STXBP4: variants seen among roughly 807,000 people sequenced by gnomAD.
The protein encoded by STXBP4 is syntaxin-binding protein 4.
A neutral mutation model predicts 76.1 loss-of-function variants in STXBP4; 55 were observed. The ratio of observed to expected loss-of-function variants is 0.72; its 90% CI spans 0.58 to 0.91. STXBP4 has a LOEUF of 0.91. Among genes scored for constraint, STXBP4 ranks in the 40% least tolerant of loss-of-function variants. STXBP4 has a pLI of 0.00. For missense variants in STXBP4, 618 were observed against 636.9 expected (o/e 0.97, Z 0.32); for synonymous variants, 201 against 220.2 (o/e 0.91, Z 0.77).
At chr17:55,059,529 T>G (rs2078970418) in intron 12 of STXBP4, among the ~76,000 whole-genome samples, 1 of 152,098 alleles carries the variant, frequency 6.6e-6, no homozygotes, top group African/African-American at 2.4e-5. Context: ...AAATTAAAAA[T>G]TTGGTTCCTC....
intron 11 of STXBP4, chr17:55,043,984 G>A: frequency 4.6e-6 from 1 of 219,338 alleles, no homozygotes; most frequent in Non-Finnish European, 8.9e-6. Flanking sequence ...AAGTAACTGG[G>A]ACAACATGTC....
the STXBP4 span, among the ~76,000 whole-genome samples, chr17:55,180,437 G>C: frequency 6.0e-3 from 916 of 152,210 alleles, 8 homozygotes; most frequent in African/African-American, 0.021. Context: ...GTTTGAGGTT[G>C]GGTGAGATTT....
At chr17:54,969,479 C>T (rs906952796) in intron 1 of STXBP4, among the ~76,000 whole-genome samples, 1 of 152,210 alleles carries the variant, frequency 6.6e-6, no homozygotes, top group Non-Finnish European at 1.5e-5. Flanking sequence ...TTACCCGGGT[C>T]CTCACCATGG....
At chr17:55,212,704 C>T in the STXBP4 span, among the ~76,000 whole-genome samples, 1 of 152,102 alleles carries the variant, frequency 6.6e-6, no homozygotes, top group Non-Finnish European at 1.5e-5. Context: ...CATAGGTGTC[C>T]ATGCTTTATT....
intron 8 of STXBP4, among the ~76,000 whole-genome samples, chr17:55,008,827 G>C (rs532377440): frequency 4.2e-4 from 64 of 152,240 alleles, no homozygotes; most frequent in Non-Finnish European, 7.2e-4. Flanking sequence ...GCCCACCTCA[G>C]GGGAGAAAAG....
chr17:55,052,103 C>T (rs188418067), intron 12 of STXBP4, among the ~76,000 whole-genome samples: 10 of 152,242 alleles, frequency 6.6e-5, no homozygotes, highest in Admixed American at 6.5e-4. Context: ...GAAACAGACA[C>T]CCTAATAACA....
At chr17:55,082,968 A>ATT (rs57240226) in intron 16 of STXBP4, among the ~76,000 whole-genome samples, 3 of 148,424 alleles carry the variant, frequency 2.0e-5, no homozygotes, top group African/African-American at 7.4e-5. Flanking sequence ...GCAAGAAAGC[A>ATT]TTTTTTTTTT....
chr17:55,157,511 T>C (rs2080292637), intron 17 of STXBP4, among the ~76,000 whole-genome samples: 1 of 152,236 alleles, frequency 6.6e-6, no homozygotes, highest in South Asian at 2.1e-4. Context: ...GAGATATTAG[T>C]AATGTGGATT....
intron 17 of STXBP4, among the ~76,000 whole-genome samples, chr17:55,151,908 A>T (rs998118441): frequency 6.6e-6 from 1 of 152,236 alleles, no homozygotes; most frequent in African/African-American, 2.4e-5. Context: ...CAACTGTTAC[A>T]TACAACCAAA....
chr17:55,040,560 G>A (rs993137965), intron 10 of STXBP4, among the ~76,000 whole-genome samples: 3 of 152,170 alleles, frequency 2.0e-5, no homozygotes, highest in Admixed American at 6.6e-5. Flanking sequence ...ATCCAGAATT[G>A]ATACAAGTCA....
chr17:55,020,248 C>T (rs1290806209), intron 8 of STXBP4, among the ~76,000 whole-genome samples: 1 of 152,194 alleles, frequency 6.6e-6, no homozygotes, highest in Non-Finnish European at 1.5e-5. Flanking sequence ...CTTTCTTCTA[C>T]ACATTATTTC....
intron 16 of STXBP4, among the ~76,000 whole-genome samples, chr17:55,119,698 A>G (rs901486644): frequency 7.2e-5 from 11 of 152,054 alleles, no homozygotes; most frequent in Non-Finnish European, 1.3e-4. Flanking sequence ...ATCCATAAGC[A>G]TATGACACTG....
the STXBP4 span, among the ~76,000 whole-genome samples, chr17:55,193,695 G>T: frequency 1.3e-5 from 2 of 151,282 alleles, no homozygotes; most frequent in Non-Finnish European, 2.9e-5. Context: ...TAAACTAAGG[G>T]GCTTCTAAAT....
intron 17 of STXBP4, among the ~76,000 whole-genome samples, chr17:55,159,073 T>C (rs1346796688): frequency 1.3e-5 from 2 of 152,062 alleles, no homozygotes; most frequent in African/African-American, 4.8e-5. Flanking sequence ...GGTGAAACCC[T>C]ATCTCTACTA....
intron 11 of STXBP4, 53 bp from the exon 12 acceptor site, chr17:55,047,036 C>T (rs979817911): frequency 2.7e-6 from 3 of 1,093,782 alleles, no homozygotes; most frequent in East Asian, 2.4e-5. Context: ...TAAGAAGTCA[C>T]ACTTGTTAAT....
At position 55,072,800 on chromosome 17, in the gene STXBP4, T is replaced by A. The variant is rs1489628176; in HGVS notation, c.1012-100T>A. 4.1e-6 allele frequency: 4 copies of A among 977,278 alleles called. No individual in the cohort carries two copies. In the African/African-American group the frequency reaches 5.0e-5, roughly 12 times the overall value. The allele number at this position is 977,278 out of a possible 1,614,324, so 60.5% of individuals were successfully genotyped here. A position where few individuals can be genotyped will look rare whatever the true frequency, so the allele number is the denominator to read the frequency against. ...AATAAATAATATATGTATATTGACTTTTTGGAATTATAACTTCCAGAGCAA... is the reference window on the plus strand; with the variant it reads ...AATAAATAATATATGTATATTGACTATTTGGAATTATAACTTCCAGAGCAA... On this transcript the variant is annotated intron_variant, in intron 12 of 17. Coordinates refer to ENST00000376352, the MANE Select transcript of STXBP4 (RefSeq NM_178509.6).
At chr17:54,999,211 G>A (rs1467381747) in intron 4 of STXBP4, 134 bp from the exon 5 acceptor site, 2 of 625,220 alleles carry the variant, frequency 3.2e-6, no homozygotes, top group African/African-American at 3.7e-5. Context: ...TTGCTACTGA[G>A]GTTGTCTAAG....
chr17:55,116,941 A>G (rs2079787193), intron 16 of STXBP4, among the ~76,000 whole-genome samples: 1 of 151,866 alleles, frequency 6.6e-6, no homozygotes, highest in Admixed American at 6.6e-5. Flanking sequence ...TGAACCTTTT[A>G]TTAATGAAAA....
intron 16 of STXBP4, among the ~76,000 whole-genome samples, chr17:55,089,991 A>G (rs1409047305): frequency 2.6e-5 from 4 of 152,122 alleles, no homozygotes; most frequent in Admixed American, 2.6e-4. Context: ...ATAGGACCAC[A>G]TGGATGGAAA....
Sources: allele counts gnomAD v4.1 joint callset (sites outside exome capture counted in the v4.1 genomes callset), GRCh38; gene constraint gnomAD v4.1.1; transcripts MANE v1.5; gene names NCBI Gene and HGNC (gene_info 2026-07-23, HGNC 2026-07-21).